The following MPP3 variants were observed in gnomAD, a reference collection of about 807,000 sequenced individuals.
MPP3 encodes the protein MAGUK p55 subfamily member 3.
MPP3 carries 48 observed loss-of-function variants against 80.7 expected under a neutral mutation model. The ratio of observed to expected loss-of-function variants is 0.59; its 90% CI spans 0.47 to 0.76. The LOEUF (loss-of-function observed/expected upper bound fraction) is 0.76, where lower values mean the gene tolerates loss of function less well. MPP3 is among the 30% of genes least tolerant of loss of function. The pLI is 0.00. For synonymous variants in MPP3, 311 were observed against 297.6 expected, an observed-to-expected ratio of 1.04 and a Z score of -0.46; for missense variants, 620 against 763.0, an observed-to-expected ratio of 0.81 and a Z score of 2.21.
At chr17:43,811,453 G>A (rs1764172555) in intron 16 of MPP3, 4 of 505,680 alleles carry the variant, frequency 7.9e-6, no homozygotes, top group East Asian at 3.7e-5. Context: ...ACTGAGGCAC[G>A]GAGAGGTTCA....
At position 43,816,092 on chromosome 17, in the gene MPP3, CAGAG is replaced by C; in HGVS notation, c.968-17_968-14del. On this transcript the variant is annotated splice_polypyrimidine_tract_variant and intron_variant, in intron 13 of 19. Coordinates refer to ENST00000398389, the MANE Select transcript of MPP3 (RefSeq NM_001932.6). ...CAGTCACAGGTCTCTGGGAAGCAAA[CAGAG>C]GGAGGGAAGCCAGTGAGTCCCACCA... 4 of 1,507,178 alleles carry C rather than the reference CAGAG, an allele frequency of 2.7e-6. No individual in the cohort carries two copies. Among genetic ancestry groups the C allele is most frequent in the Admixed American group, 2.7e-5 (1 of 37,704 alleles). The allele number at this position is 1,507,178 out of a possible 1,614,324, so 93.4% of individuals were successfully genotyped here.
rs2045965182 is a variant in MPP3 at position 43,831,626 on chromosome 17, T to C, written c.77A>G (p.Asn26Ser). ...CAGGAAGCCCATCTCCTCCTTGTGG[T>C]TGGAGTCAGGTCTGAGCTGGGAGGT... ...LLTSQLRPDS[N>S]HKEEMGFLRD... Residue 26 changes from asparagine (N) to serine (S), a missense_variant, in exon 4 of 20, where the codon AAC (asparagine) becomes AGC (serine). Coordinates refer to ENST00000398389, the MANE Select transcript of MPP3 (RefSeq NM_001932.6). The C allele has an allele frequency of 6.2e-7, 1 of 1,613,708 alleles. No homozygotes were observed. The highest frequency in any genetic ancestry group is 1.1e-5 in the South Asian group (1 of 91,072).
At chr17:43,806,077 A>C (rs980165022) in intron 19 of MPP3, among the ~76,000 whole-genome samples, 14 of 152,242 alleles carry the variant, frequency 9.2e-5, no homozygotes, top group Non-Finnish European at 1.9e-4. Context: ...ACAAAATTAG[A>C]ATCCTGATTT....
intron 14 of MPP3, 167 bp from the exon 15 acceptor site, chr17:43,814,528 T>G (rs2045023163): frequency 3.3e-6 from 2 of 604,450 alleles, no homozygotes; most frequent in Middle Eastern, 4.5e-4. Flanking sequence ...AATACAATAA[T>G]AAGATGAAAG....
chr17:43,829,181 G>A (rs1424631523), intron 7 of MPP3, among the ~76,000 whole-genome samples: 2 of 152,176 alleles, frequency 1.3e-5, no homozygotes, highest in African/African-American at 2.4e-5. Context: ...AGCAGGCATT[G>A]TCACACGTTT....
At chr17:43,814,152 G>A in intron 15 of MPP3, 45 bp downstream of exon 15, 1 of 1,607,060 alleles carries the variant, frequency 6.2e-7, no homozygotes, top group Non-Finnish European at 8.5e-7. Context: ...ACCTGCTCCA[G>A]GGAGGAAACC....
At chr17:43,810,162 A>G (rs941799364) in intron 18 of MPP3, among the ~76,000 whole-genome samples, 1 of 152,226 alleles carries the variant, frequency 6.6e-6, no homozygotes, top group Non-Finnish European at 1.5e-5. Flanking sequence ...TACAGTTTAT[A>G]GCATAAAATC....
intron 2 of MPP3, 23 bp downstream of exon 2, chr17:43,832,738 C>A (rs978192471): frequency 6.6e-5 from 10 of 152,546 alleles, no homozygotes; most frequent in South Asian, 2.0e-4. Context: ...CCGCCCCGCC[C>A]CGCCACGCCA....
chr17:43,816,745 C>T lies in MPP3; in HGVS notation c.947-48G>A, dbSNP rs576229351. 2.7e-5 allele frequency: 42 copies of T among 1,555,226 alleles called. 1 individual carries two copies. In the South Asian group the frequency reaches 3.3e-4, roughly 12 times the overall value. On this transcript the variant is annotated intron_variant, in intron 12 of 19. Coordinates refer to ENST00000398389, the MANE Select transcript of MPP3 (RefSeq NM_001932.6). ...ATGGAACAGCATTAGTGGAGGGAAGCGGGGACCCTGCGGCTGAGGGCAGCC... is the reference window on the plus strand; with the variant it reads ...ATGGAACAGCATTAGTGGAGGGAAGTGGGGACCCTGCGGCTGAGGGCAGCC...
intron 19 of MPP3, among the ~76,000 whole-genome samples, chr17:43,805,007 A>G (rs551204965): frequency 6.6e-6 from 1 of 152,212 alleles, no homozygotes; most frequent in African/African-American, 2.4e-5. Context: ...AACAAGAACG[A>G]AACTCTGTCT....
Position 43,830,048 on chromosome 17 carries a change from C to T in MPP3, c.282G>A (p.Leu94=). ...CTACCCTCAGGTGCGGGGTGGACAGCAGCTGGAGCAGCTCCCTCTCATCAC... is the reference window on the plus strand; with the variant it reads ...CTACCCTCAGGTGCGGGGTGGACAGTAGCTGGAGCAGCTCCCTCTCATCAC... ...VHSDERELLQ[L]LSTPHLRAVL... The change falls in exon 6 of 20, where the codon CTG becomes CTA. Residue 94 remains leucine, a synonymous_variant. Coordinates refer to ENST00000398389, the MANE Select transcript of MPP3 (RefSeq NM_001932.6). 2.5e-6 allele frequency: 4 copies of T among 1,593,150 alleles called. No homozygotes were observed. Among genetic ancestry groups the T allele is most frequent in the Non-Finnish European group, 3.4e-6 (4 of 1,171,254 alleles).
chr17:43,818,046 A>G lies in MPP3; in HGVS notation c.946T>C (p.Tyr316His). 1 of 1,582,302 alleles carries G rather than the reference A, an allele frequency of 6.3e-7. No individual in the cohort carries two copies. The highest frequency in any genetic ancestry group is 8.6e-7 in the Non-Finnish European group (1 of 1,164,052). ...GTGCCATCCCTGACAATCTACTCAC[A>G]GGGGGGCTTCCTGAGGCTCTGGGGG... Reference protein sequence around the residue: ...PSPQSLRKPPYDQPCDKETCD... With the variant: ...PSPQSLRKPPHDQPCDKETCD... The change falls in exon 12 of 20, where the codon TAT (tyrosine) becomes CAT (histidine). Residue 316 changes from tyrosine to histidine, a missense_variant and splice_region_variant. Coordinates refer to ENST00000398389, the MANE Select transcript of MPP3 (RefSeq NM_001932.6).
chr17:43,816,128 T>A, intron 13 of MPP3, 49 bp from the exon 14 acceptor site: 2 of 1,476,938 alleles, frequency 1.4e-6, no homozygotes, highest in Non-Finnish European at 1.8e-6. Context: ...ACCAGACACA[T>A]CCGGCCCAGG....
intron 19 of MPP3, 94 bp downstream of exon 19, chr17:43,808,862 C>T (rs1229720439): frequency 2.1e-6 from 3 of 1,411,044 alleles, no homozygotes; most frequent in Non-Finnish European, 1.9e-6. Context: ...TCCCGCATCC[C>T]TCTTCAGCTG....
intron 8 of MPP3, among the ~76,000 whole-genome samples, chr17:43,827,141 C>T (rs1473657349): frequency 6.6e-6 from 1 of 152,104 alleles, no homozygotes; most frequent in African/African-American, 2.4e-5. Context: ...TCAGCCTTCC[C>T]AAGTAGCTGT....
chr17:43,829,987 G>A, intron 6 of MPP3, 40 bp downstream of exon 6: 1 of 1,595,346 alleles, frequency 6.3e-7, no homozygotes, highest in African/African-American at 1.3e-5. Flanking sequence ...CATCCCAGGA[G>A]ACCCAGAGGC....
chr17:43,808,714 C>T (rs951960609), intron 19 of MPP3, among the ~76,000 whole-genome samples: 13 of 152,186 alleles, frequency 8.5e-5, no homozygotes, highest in African/African-American at 3.1e-4. Context: ...AGTGGAGGGG[C>T]GTGAGCCCAG....
chr17:43,815,881 C>G (rs939307301), intron 14 of MPP3, 157 bp downstream of exon 14: 6 of 747,540 alleles, frequency 8.0e-6, no homozygotes, highest in Non-Finnish European at 1.3e-5. Flanking sequence ...TCAGCTCCTG[C>G]TTGGGTTGAG....
chr17:43,819,495 G>A (rs1043041708), intron 11 of MPP3, among the ~76,000 whole-genome samples: 2 of 152,190 alleles, frequency 1.3e-5, no homozygotes, highest in Non-Finnish European at 2.9e-5. Context: ...GGATGAGGGC[G>A]CAGCCTCCTA....
Sources: allele counts gnomAD v4.1 joint callset (sites outside exome capture counted in the v4.1 genomes callset), GRCh38; gene constraint gnomAD v4.1.1; transcripts MANE v1.5; gene names NCBI Gene and HGNC (gene_info 2026-07-23, HGNC 2026-07-21).